The following LPP variants were observed in gnomAD, a reference collection of about 807,000 sequenced individuals.
LPP encodes the protein LIM domain containing preferred translocation partner in lipoma, also known as lipoma-preferred partner.
Under a neutral mutation model 60.4 loss-of-function variants are expected in LPP, and 38 were observed. That is an observed-to-expected ratio of 0.63 (90% CI 0.49 to 0.83). LPP has a LOEUF of 0.83. Ranked by LOEUF, LPP falls within the 40% of genes least tolerant of loss-of-function variation. The pLI is 0.00. For missense variants in LPP, 902 were observed against 783.6 expected (o/e 1.15, Z -1.80); for synonymous variants, 328 against 290.8 (o/e 1.13, Z -1.30).
intron 5 of LPP, among the ~76,000 whole-genome samples, chr3:188,509,878 T>TTG (rs1560498195): frequency 6.9e-6 from 1 of 144,716 alleles, no homozygotes; most frequent in African/African-American, 2.5e-5. Context: ...TTGTTGTTTT[T>TTG]TTTTTTTTTT....
Position 188,540,421 on chromosome 3 carries a change from A to G in LPP, c.429+15634A>G, listed in dbSNP as rs138654294. ...AACATAAGGAAGTATTCACAAATTT[A>G]AAGACCAAGTTCATGTTGTTCAAGA... is the stretch of plus-strand genomic sequence containing the variant. On this transcript the variant is annotated intron_variant, in intron 6 of 11. Transcript: ENST00000617246. Among the ~76,000 whole-genome samples, 11 of 152,344 alleles carry G rather than the reference A, an allele frequency of 7.2e-5. No individual in the cohort carries two copies. In the East Asian group the frequency reaches 2.1e-3, roughly 29 times the overall value.
At chr3:188,293,072 C>T (rs992588424) in intron 2 of LPP, among the ~76,000 whole-genome samples, 2 of 152,208 alleles carry the variant, frequency 1.3e-5, no homozygotes, top group African/African-American at 4.8e-5. Flanking sequence ...CTGAGTTTCT[C>T]TCATACCGTT....
chr3:188,598,621 T>C (rs1840452287), intron 6 of LPP, among the ~76,000 whole-genome samples: 1 of 152,186 alleles, frequency 6.6e-6, no homozygotes, highest in Non-Finnish European at 1.5e-5. Flanking sequence ...AATATACATA[T>C]GAACCATTAT....
At chr3:188,344,598 C>G (rs1763853217) in intron 3 of LPP, among the ~76,000 whole-genome samples, 2 of 152,110 alleles carry the variant, frequency 1.3e-5, no homozygotes, top group African/African-American at 4.8e-5. Context: ...TAGCTAGTCC[C>G]TTCTCTCTCC....
intron 4 of LPP, among the ~76,000 whole-genome samples, chr3:188,415,750 T>A (rs1246940338): frequency 8.3e-6 from 1 of 120,896 alleles, no homozygotes; most frequent in Non-Finnish European, 1.8e-5. Flanking sequence ...TATTCATGAT[T>A]GCTAGGGGAC....
chr3:188,502,161 C>T (rs1342867428), intron 5 of LPP, among the ~76,000 whole-genome samples: 2 of 152,114 alleles, frequency 1.3e-5, no homozygotes, highest in African/African-American at 4.8e-5. Context: ...TCCTCTATTT[C>T]CTGACTTACC....
At chr3:188,489,296 A>G (rs1019510638) in intron 5 of LPP, among the ~76,000 whole-genome samples, 5 of 152,208 alleles carry the variant, frequency 3.3e-5, no homozygotes, top group African/African-American at 1.2e-4. Context: ...TCATACATTG[A>G]TCAGAAGCAT....
At chr3:188,504,976 CATGTAAGCTGT>C (rs1286788066) in intron 5 of LPP, among the ~76,000 whole-genome samples, 1 of 152,152 alleles carries the variant, frequency 6.6e-6, no homozygotes, top group Non-Finnish European at 1.5e-5. Context: ...CAGCTTGGAT[CATGTAAGCTGT>C]ATGCAAGCTG....
intron 1 of LPP, among the ~76,000 whole-genome samples, chr3:188,203,420 A>AAT (rs1731762750): frequency 1.1e-5 from 1 of 92,482 alleles, no homozygotes; most frequent in South Asian, 3.3e-4. Flanking sequence ...ATATATATAT[A>AAT]ATATAAATAT....
intron 1 of LPP, among the ~76,000 whole-genome samples, chr3:188,223,299 A>G (rs1716493459): frequency 6.6e-6 from 1 of 152,344 alleles, no homozygotes; most frequent in Admixed American, 6.5e-5. Flanking sequence ...TTTTATAGAT[A>G]CTTCTGAACT....
rs893608289 is a variant in LPP, at chr3:188,593,396, C to T, written c.430-15765C>T. Among the ~76,000 whole-genome samples the T allele has an allele frequency of 9.2e-5, 14 of 151,920 alleles. No individual in the cohort carries two copies. In the South Asian group the frequency reaches 2.9e-3, roughly 31 times the overall value. ...GAGGAAAATGAGGAATAATTTCATACTTTAATATATTCATTCATTCATTGC... is the reference window on the plus strand; with the variant it reads ...GAGGAAAATGAGGAATAATTTCATATTTTAATATATTCATTCATTCATTGC... On this transcript the variant is annotated intron_variant, in intron 6 of 11. Transcript: ENST00000617246.
chr3:188,358,025 G>A (rs556163387), intron 3 of LPP, among the ~76,000 whole-genome samples: 5 of 152,024 alleles, frequency 3.3e-5, no homozygotes, highest in African/African-American at 4.8e-5. Context: ...AAAAAATGAC[G>A]TGAATCTGAA....
chr3:188,368,352 A>G (rs1269678238), intron 3 of LPP, among the ~76,000 whole-genome samples: 1 of 149,388 alleles, frequency 6.7e-6, no homozygotes. Flanking sequence ...CCCTTTTTTA[A>G]CTTTTCAGAA....
intron 3 of LPP, among the ~76,000 whole-genome samples, chr3:188,344,214 G>A (rs937561797): frequency 6.6e-6 from 1 of 152,164 alleles, no homozygotes; most frequent in African/African-American, 2.4e-5. Context: ...AAATCTCATG[G>A]ACTTGTCTAT....
chr3:188,461,844 T>C (rs1476740295), intron 4 of LPP, among the ~76,000 whole-genome samples: 1 of 152,134 alleles, frequency 6.6e-6, no homozygotes, highest in East Asian at 1.9e-4. Context: ...TCAGTTTTTA[T>C]CTGTTAAAAT....
intron 2 of LPP, among the ~76,000 whole-genome samples, chr3:188,283,807 A>G (rs536413879): frequency 6.6e-6 from 1 of 152,128 alleles, no homozygotes; most frequent in South Asian, 2.1e-4. Context: ...GTGAAAGCCC[A>G]TCTCTACTAA....
At chr3:188,670,591 T>G (rs778687452) in intron 7 of LPP, among the ~76,000 whole-genome samples, 1 of 152,196 alleles carries the variant, frequency 6.6e-6, no homozygotes, top group Non-Finnish European at 1.5e-5. Flanking sequence ...AGAGCATTTT[T>G]GAGACTGGGA....
chr3:188,212,654 C>G (rs1711701728), intron 1 of LPP: 1 of 151,700 alleles, frequency 6.6e-6, no homozygotes, highest in Admixed American at 6.6e-5. Flanking sequence ...ACCCTGCCCC[C>G]ACCCTTCCCC....
intron 8 of LPP, among the ~76,000 whole-genome samples, chr3:188,732,484 G>A (rs1290880257): frequency 2.6e-5 from 4 of 152,012 alleles, no homozygotes; most frequent in African/African-American, 4.8e-5. Context: ...CTGGCCGGGC[G>A]CAGTGGCTCA....
Sources: gnomAD v4.1 joint callset for allele counts (sites outside exome capture counted in the v4.1 genomes callset) on GRCh38, gnomAD v4.1.1 for gene constraint, MANE v1.5 for transcripts, NCBI Gene and HGNC (gene_info 2026-07-23, HGNC 2026-07-21) for gene names.